Variants in RGS12 observed in about 807,000 individuals in gnomAD.
RGS12 encodes the protein regulator of G protein signaling 12.
RGS12 carries 66 observed loss-of-function variants against 120.1 expected under a neutral mutation model. That is an observed-to-expected ratio of 0.55 (90% confidence interval 0.45 to 0.67). RGS12 has a LOEUF of 0.67. RGS12 is among the 30% of genes least tolerant of loss of function. The pLI is 0.00. For synonymous variants in RGS12, 827 were observed against 804.7 expected (o/e 1.03, Z -0.47); for missense variants, 1,859 against 1,957.7 (o/e 0.95, Z 0.95).
Position 3,317,513 on chromosome 4 carries a change from G to A in RGS12, c.1343G>A (p.Ser448Asn), listed in dbSNP as rs150253982. Residue 448 changes from serine to asparagine, a missense_variant, in exon 2 of 18, where the codon AGC becomes AAC. This residue lies in a region of RGS12 where 967 missense variants were observed against 994.2 expected (regional missense o/e 0.97). Transcript: ENST00000336727. ...VLVVDLGGSS[S>N]RHGPGGSAWD... The stretch of plus-strand genomic sequence containing the variant: ...GTGGTGGACCTGGGTGGGAGCTCGA[G>A]CAGACACGGCCCCGGAGGCAGCGCG... 5 of 1,612,474 alleles carry A rather than the reference G, an allele frequency of 3.1e-6. No individual in the cohort carries two copies. In the African/African-American group the frequency reaches 6.7e-5, roughly 22 times the overall value.
At chr4:3,431,174 C>G (rs1255896493) in intron 17 of RGS12, 2 of 1,410,478 alleles carry the variant, frequency 1.4e-6, no homozygotes, top group South Asian at 1.6e-5. Context: ...CCGAGGCGCT[C>G]TGGGCAGGCA....
chr4:3,347,633 A>G (rs192219526), intron 3 of RGS12, among the ~76,000 whole-genome samples: 2 of 152,234 alleles, frequency 1.3e-5, no homozygotes, highest in African/African-American at 4.8e-5. Context: ...AGAGTTCTGA[A>G]GAATTTTCAG....
At chr4:3,318,077 G>A (rs773827760) in intron 2 of RGS12, 26 bp downstream of exon 2, 20 of 1,564,762 alleles carry the variant, frequency 1.3e-5, no homozygotes, top group Middle Eastern at 2.1e-4. Context: ...GCCACTCAGC[G>A]CGGAGGCCCG....
In RGS12 at chr4:3,431,515, A is replaced by C. The variant is rs543090010; in HGVS notation, c.4114+560A>C. The C allele has an allele frequency of 6.1e-5, 60 of 986,742 alleles. No homozygotes were observed. In the African/African-American group the frequency reaches 9.6e-4, roughly 16 times the overall value. 61.1% of individuals were successfully genotyped at this position (986,742 alleles called of 1,614,324 possible). On this transcript the variant is annotated intron_variant, in intron 17 of 17. Coordinates refer to ENST00000336727, the MANE Select transcript of RGS12 (RefSeq NM_001394154.1). ...GCTCGGGAGTGGAGGTGACGTCAGCAGCGCTCTCTGACCGCGGGTGTCACG... is the reference window on the plus strand; with the variant it reads ...GCTCGGGAGTGGAGGTGACGTCAGCCGCGCTCTCTGACCGCGGGTGTCACG...
intron 13 of RGS12, 40 bp from the exon 14 acceptor site, chr4:3,425,424 C>G (rs568252987): frequency 6.5e-7 from 1 of 1,549,236 alleles, no homozygotes; most frequent in African/African-American, 1.4e-5. Context: ...CCCTGAAGTT[C>G]CAGTCTGGGT....
chr4:3,345,625 G>C (rs1713717680), intron 3 of RGS12, among the ~76,000 whole-genome samples: 1 of 152,230 alleles, frequency 6.6e-6, no homozygotes, highest in African/African-American at 2.4e-5. Context: ...CAGTCTACCT[G>C]AGTCCACTGT....
intron 2 of RGS12, chr4:3,342,680 G>A (rs1435976246): frequency 4.2e-6 from 4 of 945,810 alleles, no homozygotes; most frequent in African/African-American, 1.7e-5. Flanking sequence ...GTTTACAGAG[G>A]TGGAGGCTTT....
intron 9 of RGS12, chr4:3,418,156 A>G (rs1722606580): frequency 6.6e-6 from 1 of 152,260 alleles, no homozygotes; most frequent in African/African-American, 2.4e-5. Flanking sequence ...TTCCTGTAAC[A>G]AAAGTTAGGC....
chr4:3,402,699 A>G (rs973571545), intron 4 of RGS12, among the ~76,000 whole-genome samples: 10 of 152,178 alleles, frequency 6.6e-5, no homozygotes, highest in Non-Finnish European at 1.5e-4. Flanking sequence ...CCAAGCCACA[A>G]CCAGAAGGTC....
intron 17 of RGS12, among the ~76,000 whole-genome samples, chr4:3,438,716 G>A (rs887752701): frequency 1.3e-5 from 2 of 152,164 alleles, no homozygotes; most frequent in African/African-American, 4.8e-5. Context: ...GAGATGGCCT[G>A]CCCATGTTGG....
In RGS12 at chr4:3,430,918, C is replaced by T. The variant is rs757887943; in HGVS notation, c.4077C>T (p.Pro1359=). The T allele has an allele frequency of 1.2e-6, 2 of 1,612,810 alleles. No individual in the cohort carries two copies. Among genetic ancestry groups the T allele is most frequent in the Non-Finnish European group, 1.7e-6 (2 of 1,179,962 alleles). ...SSPNSTLLPP[P]STPQEVPGPS... is the part of the protein sequence containing the mutation. ...CCAACAGCACCTTGCTGCCGCCGCC[C>T]TCCACCCCCCAGGAAGTGCCAGGAC... Residue 1359 remains proline (P), a synonymous_variant, in exon 17 of 18, where the codon CCC becomes CCT. Transcript: ENST00000336727.
At chr4:3,414,999 C>T (rs901469028) in intron 6 of RGS12, among the ~76,000 whole-genome samples, 155 bp downstream of exon 6, 1 of 51,920 alleles carries the variant, frequency 1.9e-5, no homozygotes, top group Non-Finnish European at 3.8e-5. Flanking sequence ...GTGTGAGGGG[C>T]GTGTGAGGGG....
At chr4:3,426,759 G>A (rs572178328) in intron 14 of RGS12, 5 of 152,312 alleles carry the variant, frequency 3.3e-5, no homozygotes, top group Admixed American at 3.3e-4. Flanking sequence ...AGGAGGGTGG[G>A]TCCTGTTTGT....
chr4:3,307,504 G>A (rs1380881935), intron 1 of RGS12, among the ~76,000 whole-genome samples: 5 of 152,218 alleles, frequency 3.3e-5, no homozygotes. Flanking sequence ...GTACAAAAAA[G>A]TTCTTTTTAG....
chr4:3,295,326 A>T (rs141630579), intron 1 of RGS12, among the ~76,000 whole-genome samples: 1,571 of 152,172 alleles, frequency 0.01, 22 homozygotes, highest in Middle Eastern at 0.034. Flanking sequence ...GATCACATTG[A>T]CTTTGGACCT....
At chr4:3,436,756 G>A (rs1024169255) in intron 17 of RGS12, among the ~76,000 whole-genome samples, 15 of 152,278 alleles carry the variant, frequency 9.9e-5, no homozygotes, top group Non-Finnish European at 1.9e-4. Context: ...ACCGGCAGCC[G>A]GTGAGGGGCC....
chr4:3,286,410 G>C, the RGS12 span, among the ~76,000 whole-genome samples: 1 of 152,260 alleles, frequency 6.6e-6, no homozygotes, highest in South Asian at 2.1e-4. Context: ...GGGATTTTCT[G>C]TGTGCTCCTA....
chr4:3,290,053 T>C (rs1167542712), upstream of RGS12, among the ~76,000 whole-genome samples: 1 of 152,206 alleles, frequency 6.6e-6, no homozygotes, highest in East Asian at 1.9e-4. Flanking sequence ...ACCTAATCCA[T>C]CGACGAGCGC....
chr4:3,421,905 C>A (rs375085762), intron 10 of RGS12, among the ~76,000 whole-genome samples: 1 of 152,234 alleles, frequency 6.6e-6, no homozygotes, highest in African/African-American at 2.4e-5. Context: ...TGAAATAATG[C>A]TCAGGGAAAA....
Sources: allele counts gnomAD v4.1 joint callset (sites outside exome capture counted in the v4.1 genomes callset), GRCh38; gene constraint gnomAD v4.1.1; regional missense constraint gnomAD v4.1.1; transcripts MANE v1.5; gene names NCBI Gene and HGNC (gene_info 2026-07-23, HGNC 2026-07-21).